RBM19: variants seen among roughly 807,000 people sequenced by gnomAD.
The protein encoded by RBM19 is probable RNA-binding protein 19.
In RBM19, 94 loss-of-function variants were observed where a neutral mutation model predicts 116.8. The observed-to-expected ratio is 0.80, with a 90% CI of 0.68 to 0.95. RBM19 has a LOEUF of 0.95. Ranked by LOEUF, RBM19 falls within the 40% of genes least tolerant of loss-of-function variation. RBM19 has a pLI of 0.00. For synonymous variants in RBM19, 475 were observed against 494.1 expected (o/e 0.96, Z 0.51); for missense variants, 1,161 against 1,220.7 (o/e 0.95, Z 0.73).
chr12:113,902,693 G>A (rs1321407027), intron 21 of RBM19, among the ~76,000 whole-genome samples: 1 of 151,248 alleles, frequency 6.6e-6, no homozygotes, highest in African/African-American at 2.4e-5. Context: ...ATAAATCTCT[G>A]GAGATTTAGC....
intron 10 of RBM19, among the ~76,000 whole-genome samples, chr12:113,948,056 G>C (rs1174025696): frequency 3.9e-5 from 6 of 152,214 alleles, no homozygotes. Context: ...GCAGGCCCCA[G>C]GCTTGGAGGT....
chr12:113,907,039 C>T (rs1882095006), intron 21 of RBM19, among the ~76,000 whole-genome samples: 1 of 152,040 alleles, frequency 6.6e-6, no homozygotes, highest in African/African-American at 2.4e-5. Flanking sequence ...GAGGAAGGAT[C>T]CCCCCTGCAG....
At chr12:113,944,190 T>C (rs1162380131) in intron 13 of RBM19, among the ~76,000 whole-genome samples, 1 of 145,238 alleles carries the variant, frequency 6.9e-6, no homozygotes, top group Non-Finnish European at 1.5e-5. Context: ...ACCTGCCTCC[T>C]GGGTTCAAGC....
chr12:113,915,547 C>G (rs1479399703), intron 20 of RBM19, among the ~76,000 whole-genome samples: 1 of 152,210 alleles, frequency 6.6e-6, no homozygotes, highest in Non-Finnish European at 1.5e-5. Context: ...AGCCCAGGTT[C>G]AAGGCCATCC....
chr12:113,926,171 T>C (rs1021985599), intron 17 of RBM19, among the ~76,000 whole-genome samples: 1 of 152,100 alleles, frequency 6.6e-6, no homozygotes, highest in Non-Finnish European at 1.5e-5. Flanking sequence ...CACATCCCAA[T>C]GTTTGCCTCC....
chr12:113,882,742 A>G (rs1307023700), intron 21 of RBM19, among the ~76,000 whole-genome samples: 1 of 152,168 alleles, frequency 6.6e-6, no homozygotes, highest in Non-Finnish European at 1.5e-5. Flanking sequence ...CTCCCCAGCC[A>G]CCCAAAATCT....
At chr12:113,913,602 C>T (rs1052163965) in intron 21 of RBM19, among the ~76,000 whole-genome samples, 5 of 152,234 alleles carry the variant, frequency 3.3e-5, no homozygotes, top group Non-Finnish European at 7.3e-5. Context: ...CACATGACTT[C>T]TTATTCTTCA....
At chr12:113,865,048 A>G (rs1452086796) in intron 21 of RBM19, among the ~76,000 whole-genome samples, 1 of 152,104 alleles carries the variant, frequency 6.6e-6, no homozygotes, top group Admixed American at 6.5e-5. Flanking sequence ...TAACTCTCTA[A>G]TGGTTTTTGC....
rs57080358 is a variant in RBM19, at chr12:113,872,126, C to T, written c.2559-13230G>A. 4.2e-3 allele frequency among the ~76,000 whole-genome samples: 632 copies of T among 148,928 alleles called. 5 individuals carry two copies. The highest frequency in any genetic ancestry group is 0.014 in the African/African-American group (572 of 40,860). On this transcript the variant is annotated intron_variant, in intron 21 of 23. Coordinates refer to ENST00000261741, the MANE Select transcript of RBM19 (RefSeq NM_016196.4). ...ATCACATCTAGGAAGTGAGGAGCGTCTCTGCCCGGCCGCCCATCGTCTGAG... is the reference window on the plus strand; with the variant it reads ...ATCACATCTAGGAAGTGAGGAGCGTTTCTGCCCGGCCGCCCATCGTCTGAG...
At chr12:113,965,912 G>A (rs1020585101) in intron 1 of RBM19, among the ~76,000 whole-genome samples, 1 of 152,174 alleles carries the variant, frequency 6.6e-6, no homozygotes, top group South Asian at 2.1e-4. Flanking sequence ...TGTGGGAGCA[G>A]GGTATTCGCC....
At chr12:113,915,145 A>C in intron 20 of RBM19, 60 bp from the exon 21 acceptor site, 1 of 1,316,824 alleles carries the variant, frequency 7.6e-7, no homozygotes, top group South Asian at 1.2e-5. Flanking sequence ...CCTGCCCAAC[A>C]TTGACTCCAC....
At chr12:113,951,247 A>T (rs11066847) in intron 8 of RBM19, among the ~76,000 whole-genome samples, 24,913 of 151,990 alleles carry the variant, frequency 0.16, 2,783 homozygotes, top group African/African-American at 0.32. Context: ...GGGGACATTC[A>T]GCTGCTTTTC....
At chr12:113,836,172 G>T (rs1875867312) in intron 23 of RBM19, among the ~76,000 whole-genome samples, 1 of 152,148 alleles carries the variant, frequency 6.6e-6, no homozygotes, top group African/African-American at 2.4e-5. Flanking sequence ...CTACCACGGG[G>T]CTGCTGCGCT....
intron 13 of RBM19, among the ~76,000 whole-genome samples, chr12:113,943,976 C>T (rs897693239): frequency 6.6e-6 from 1 of 152,090 alleles, no homozygotes; most frequent in African/African-American, 2.4e-5. Flanking sequence ...ACAGCACTGA[C>T]CTTCAGTGCC....
chr12:113,869,272 A>G (rs1385526665), intron 21 of RBM19, among the ~76,000 whole-genome samples: 1 of 152,186 alleles, frequency 6.6e-6, no homozygotes, highest in Non-Finnish European at 1.5e-5. Context: ...AACTCTGAAG[A>G]AGCAGTGGAT....
intron 21 of RBM19, among the ~76,000 whole-genome samples, chr12:113,912,098 TGTGGTGCA>T (rs1180897071): frequency 6.6e-6 from 1 of 151,982 alleles, no homozygotes. Context: ...GGGGCTGGAG[TGTGGTGCA>T]CTGAGGCCCG....
intron 21 of RBM19, among the ~76,000 whole-genome samples, chr12:113,888,336 T>A (rs1461117387): frequency 6.6e-6 from 1 of 152,212 alleles, no homozygotes; most frequent in African/African-American, 2.4e-5. Context: ...AAAGACTATT[T>A]GGTTCTGCTT....
At chr12:113,910,492 A>G (rs1227237334) in intron 21 of RBM19, among the ~76,000 whole-genome samples, 1 of 152,228 alleles carries the variant, frequency 6.6e-6, no homozygotes, top group East Asian at 1.9e-4. Flanking sequence ...TGTGAGGCCA[A>G]TCCTGTTTGC....
downstream of RBM19, among the ~76,000 whole-genome samples, chr12:113,819,470 C>A (rs11066772): frequency 0.11 from 17,329 of 152,192 alleles, 1,098 homozygotes; most frequent in South Asian, 0.24. Context: ...AGTTTCCTGC[C>A]CCCTGCAGCA....
Sources: allele counts gnomAD v4.1 joint callset (sites outside exome capture counted in the v4.1 genomes callset), GRCh38; gene constraint gnomAD v4.1.1; transcripts MANE v1.5; gene names NCBI Gene and HGNC (gene_info 2026-07-23, HGNC 2026-07-21).